Variants in ERCC6L2 observed in about 807,000 individuals in gnomAD.
ERCC6L2 encodes DNA excision repair protein ERCC-6-like 2.
ERCC6L2 carries 77 observed loss-of-function variants against 132.0 expected under a neutral mutation model. The observed-to-expected ratio is 0.58, with a 90% CI of 0.49 to 0.71. ERCC6L2 has a LOEUF of 0.71. Ranked by LOEUF, ERCC6L2 falls within the 30% of genes least tolerant of loss-of-function variation. ERCC6L2 has a pLI of 0.00. For synonymous variants in ERCC6L2, 583 were observed against 632.4 expected (o/e 0.92, Z 1.17); for missense variants, 1,542 against 1,837.6 (o/e 0.84, Z 2.94).
intron 17 of ERCC6L2, among the ~76,000 whole-genome samples, chr9:95,985,616 T>C (rs560663392): frequency 6.6e-6 from 1 of 152,336 alleles, no homozygotes; most frequent in South Asian, 2.1e-4. Context: ...CATCCTCATA[T>C]AGCAATAATA....
At chr9:95,928,921 A>G (rs1830218950) in intron 11 of ERCC6L2, 57 bp downstream of exon 11, 1 of 1,319,260 alleles carries the variant, frequency 7.6e-7, no homozygotes, top group Non-Finnish European at 1.0e-6. Flanking sequence ...GAGATTTAGC[A>G]TAATTTTTAA....
chr9:95,895,947 T>C (rs971611386), intron 2 of ERCC6L2, among the ~76,000 whole-genome samples: 5 of 152,052 alleles, frequency 3.3e-5, no homozygotes, highest in African/African-American at 7.2e-5. Flanking sequence ...AGGATGGTCT[T>C]GATCTCCTGA....
chr9:96,010,493 A>G (rs1833991189), intron 18 of ERCC6L2, among the ~76,000 whole-genome samples: 1 of 152,180 alleles, frequency 6.6e-6, no homozygotes, highest in Non-Finnish European at 1.5e-5. Flanking sequence ...AACTTGGCCT[A>G]CGGACCCCCT....
intron 12 of ERCC6L2, chr9:95,955,066 T>C (rs1004628305): frequency 1.6e-5 from 6 of 365,088 alleles, no homozygotes; most frequent in African/African-American, 1.3e-4. Flanking sequence ...TAACAGGCAT[T>C]GGGTGCTCAT....
Position 95,907,857 on chromosome 9 carries a change from C to CACACACAAACACACACACACA in ERCC6L2, c.788+586_788+587insACACACAAACACACACACACA. Among the ~76,000 whole-genome samples the CACACACAAACACACACACACA allele has an allele frequency of 8.4e-4, 112 of 133,802 alleles. 3 individuals are homozygous for CACACACAAACACACACACACA. The highest frequency in any genetic ancestry group is 2.8e-4 in the African/African-American group (10 of 35,752). The allele number at this position is 133,802 out of a possible 152,430, so 87.8% of individuals were successfully genotyped here. On this transcript the variant is annotated intron_variant, in intron 4 of 18. Transcript: ENST00000653738. The stretch of plus-strand genomic sequence containing the variant: ...CACACACACACACACACACACACAC[C>CACACACAAACACACACACACA]CCCACACCCACACACCCACTGTAGC...
intron 19 of ERCC6L2, among the ~76,000 whole-genome samples, chr9:96,035,494 C>G (rs1245970128): frequency 6.6e-6 from 1 of 152,122 alleles, no homozygotes; most frequent in Non-Finnish European, 1.5e-5. Context: ...CTACCCTCTC[C>G]ACTGATAGCT....
rs188649816 is a variant in ERCC6L2 at position 95,938,089 on chromosome 9, A to G, written c.1752-3365A>G. On this transcript the variant is annotated intron_variant, in intron 11 of 18. Coordinates refer to ENST00000653738, the MANE Select transcript of ERCC6L2 (RefSeq NM_020207.7). ...TCAGATTTTGTTTGACTCATGAGCT[A>G]TTTAGATGTATGTTGTTTAATTTCC... 5.3e-5 allele frequency among the ~76,000 whole-genome samples: 8 copies of G among 150,866 alleles called. No individual in the cohort carries two copies. In the East Asian group the frequency reaches 1.6e-3, roughly 30 times the overall value.
chr9:96,004,408 A>G, intron 17 of ERCC6L2, 112 bp from the exon 18 acceptor site: 1 of 511,766 alleles, frequency 2.0e-6, no homozygotes, highest in South Asian at 2.0e-5. Flanking sequence ...CAGTTGGAGA[A>G]TATGATTTAC....
In ERCC6L2 at chr9:95,966,830, C is replaced by G; in HGVS notation, c.2100+116C>G. The G allele has an allele frequency of 5.0e-6, 4 of 796,764 alleles. No individual in the cohort carries two copies. In the South Asian group the frequency reaches 1.9e-4, roughly 37 times the overall value. 49.4% of individuals were successfully genotyped at this position (796,764 alleles called of 1,614,324 possible). On this transcript the variant is annotated intron_variant, in intron 14 of 18. Coordinates refer to ENST00000653738, the MANE Select transcript of ERCC6L2 (RefSeq NM_020207.7). ...CAGAGAAACTTTTGGTTTTCTTTAT[C>G]AAAAATGCCTTGGAATTTTTACTTT...
chr9:95,915,611 TA>T (rs757636915), intron 4 of ERCC6L2, 56 bp from the exon 5 acceptor site: 14 of 1,503,570 alleles, frequency 9.3e-6, no homozygotes, highest in Non-Finnish European at 1.2e-5. Context: ...TCTAAAATTG[TA>T]AGGACTAAGA....
intron 15 of ERCC6L2, among the ~76,000 whole-genome samples, chr9:95,970,964 A>G (rs1459281418): frequency 2.6e-5 from 4 of 152,170 alleles, no homozygotes; most frequent in African/African-American, 9.6e-5. Flanking sequence ...CTAAATGGTA[A>G]GTTAAATGGA....
At chr9:95,947,090 G>A (rs1049514988) in intron 12 of ERCC6L2, among the ~76,000 whole-genome samples, 5 of 152,110 alleles carry the variant, frequency 3.3e-5, no homozygotes, top group Admixed American at 1.3e-4. Context: ...ACTTTACATC[G>A]AAAGCTAAAA....
At chr9:95,980,693 G>A (rs1832854248) in intron 17 of ERCC6L2, among the ~76,000 whole-genome samples, 1 of 152,140 alleles carries the variant, frequency 6.6e-6, no homozygotes, top group Non-Finnish European at 1.5e-5. Flanking sequence ...TGCAGCTGGT[G>A]TGGCAGTGGG....
chr9:95,888,896 A>G (rs1433351139), intron 2 of ERCC6L2, among the ~76,000 whole-genome samples: 1 of 152,138 alleles, frequency 6.6e-6, no homozygotes, highest in African/African-American at 2.4e-5. Context: ...GTATATTTTA[A>G]TTAATATAAT....
At chr9:96,029,321 AAAC>A (rs1564312174) in intron 19 of ERCC6L2, among the ~76,000 whole-genome samples, 20 of 150,938 alleles carry the variant, frequency 1.3e-4, no homozygotes, top group East Asian at 7.9e-4. Context: ...AAAAAAAAAA[AAAC>A]AAAAAAAAAA....
chr9:95,921,208 GCTGT>G lies in ERCC6L2; in HGVS notation c.1195_1198del (p.Val399IlefsTer5). On this transcript the variant is annotated frameshift_variant, in exon 7 of 19. Coordinates refer to ENST00000653738, the MANE Select transcript of ERCC6L2 (RefSeq NM_020207.7). LOFTEE classifies it high-confidence loss of function. Reference sequence around the variant, plus strand: ...TTGTTCTTTGACAGATTTCCAGAAAGCTGTCTATCAAACAGTGTTAGAAACAGAG... The same window carrying G: ...TTGTTCTTTGACAGATTTCCAGAAAGCTATCAAACAGTGTTAGAAACAGAG... 6.2e-7 allele frequency: 1 copy of G among 1,612,688 alleles called. No homozygotes were observed. The highest frequency in any genetic ancestry group is 8.5e-7 in the Non-Finnish European group (1 of 1,179,202).
chr9:96,011,682 G>A (rs2133222737), intron 18 of ERCC6L2, among the ~76,000 whole-genome samples: 2 of 152,228 alleles, frequency 1.3e-5, no homozygotes, highest in Middle Eastern at 3.4e-3. Context: ...AAATAGTCTA[G>A]GTTTATCAGT....
intron 8 of ERCC6L2, 106 bp from the exon 9 acceptor site, chr9:95,923,149 TTAAAG>T (rs1398461719): frequency 1.4e-5 from 18 of 1,324,980 alleles, no homozygotes; most frequent in South Asian, 5.0e-5. Flanking sequence ...GCAAAAATCT[TTAAAG>T]TAATACATTC....
intron 12 of ERCC6L2, among the ~76,000 whole-genome samples, chr9:95,941,751 T>C (rs1395763420): frequency 6.6e-6 from 1 of 152,074 alleles, no homozygotes; most frequent in African/African-American, 2.4e-5. Flanking sequence ...CAGAATCCTA[T>C]TAATATGACA....
Sources: allele counts gnomAD v4.1 joint callset (sites outside exome capture counted in the v4.1 genomes callset), GRCh38; gene constraint gnomAD v4.1.1; transcripts MANE v1.5; gene names NCBI Gene and HGNC (gene_info 2026-07-23, HGNC 2026-07-21).